The following MYO18B variants were observed in gnomAD, a reference collection of about 807,000 sequenced individuals.
The protein encoded by MYO18B is myosin XVIIIB.
MYO18B carries 204 observed loss-of-function variants against 273.0 expected under a neutral mutation model. The ratio of observed to expected loss-of-function variants is 0.75; its 90% CI spans 0.67 to 0.84. MYO18B has a LOEUF of 0.84. Among genes scored for constraint, MYO18B ranks in the 40% least tolerant of loss-of-function variants. The pLI, the probability that MYO18B is intolerant of heterozygous loss-of-function variation, is 0.00. For missense variants in MYO18B, 3,212 were observed against 3,287.6 expected (o/e 0.98, Z 0.56); for synonymous variants, 1,330 against 1,305.7 (o/e 1.02, Z -0.40).
chr22:25,960,732 C>T (rs1376770065), intron 39 of MYO18B, among the ~76,000 whole-genome samples: 2 of 152,176 alleles, frequency 1.3e-5, no homozygotes, highest in Non-Finnish European at 2.9e-5. Flanking sequence ...GCATCATCCC[C>T]TCCAGTCTGG....
intron 33 of MYO18B, among the ~76,000 whole-genome samples, chr22:25,915,176 G>C (rs1186705813): frequency 6.6e-6 from 1 of 152,150 alleles, no homozygotes; most frequent in Non-Finnish European, 1.5e-5. Context: ...CTTAATAGGA[G>C]TGCTTGTAAA....
intron 35 of MYO18B, among the ~76,000 whole-genome samples, chr22:25,947,260 A>G (rs1390477544): frequency 6.6e-6 from 1 of 151,982 alleles, no homozygotes; most frequent in Non-Finnish European, 1.5e-5. Flanking sequence ...TCCACCCAAT[A>G]CATATTTATT....
intron 12 of MYO18B, among the ~76,000 whole-genome samples, chr22:25,800,801 C>T (rs973700224): frequency 2.0e-5 from 3 of 152,254 alleles, no homozygotes; most frequent in African/African-American, 7.2e-5. Flanking sequence ...GGCCCCCGCC[C>T]CCTGATGTGG....
intron 3 of MYO18B, among the ~76,000 whole-genome samples, chr22:25,763,695 A>C (rs2086407996): frequency 6.6e-6 from 1 of 152,226 alleles, no homozygotes; most frequent in Non-Finnish European, 1.5e-5. Flanking sequence ...TTGACTAGAA[A>C]TTCCTTAAGA....
chr22:26,003,037 T>C (rs1934105205), intron 40 of MYO18B, among the ~76,000 whole-genome samples: 1 of 152,180 alleles, frequency 6.6e-6, no homozygotes. Context: ...TGCTGAGATC[T>C]TCACAAGGGT....
At chr22:25,969,086 C>T (rs1181515690) in intron 39 of MYO18B, among the ~76,000 whole-genome samples, 1 of 152,206 alleles carries the variant, frequency 6.6e-6, no homozygotes, top group Non-Finnish European at 1.5e-5. Flanking sequence ...GGGGAAATTA[C>T]TACCTCTGTG....
chr22:26,002,228 C>A (rs1251970900), intron 40 of MYO18B, among the ~76,000 whole-genome samples: 1 of 152,178 alleles, frequency 6.6e-6, no homozygotes, highest in Non-Finnish European at 1.5e-5. Flanking sequence ...CAAAAACAAT[C>A]ACAGACAAAA....
At chr22:26,063,053 G>C in the MYO18B span, among the ~76,000 whole-genome samples, 1 of 152,186 alleles carries the variant, frequency 6.6e-6, no homozygotes, top group African/African-American at 2.4e-5. Flanking sequence ...ATTATGCCAT[G>C]ATTCTACATG....
rs145962980 is a variant in MYO18B, at chr22:25,991,629, C to T, written c.6157-734C>T. Among the ~76,000 whole-genome samples, 300 of 152,256 alleles carry T rather than the reference C, an allele frequency of 2.0e-3. 1 individual carries two copies. The highest frequency in any genetic ancestry group is 6.9e-3 in the African/African-American group (287 of 41,548). ...TCACGAAGATGAGCACTGAGAGGGG[C>T]GTCAGAGGCACCGAGCTTGAGTTCC... On this transcript the variant is annotated intron_variant, in intron 39 of 43. Transcript: ENST00000335473.
At chr22:26,063,832 C>T in the MYO18B span, among the ~76,000 whole-genome samples, 1 of 152,190 alleles carries the variant, frequency 6.6e-6, no homozygotes, top group East Asian at 1.9e-4. Flanking sequence ...GCAATTAAAG[C>T]TCTTCTTTTT....
At chr22:25,828,734 C>T (rs1345897236) in intron 14 of MYO18B, 42 bp from the exon 15 acceptor site, 2 of 1,577,746 alleles carry the variant, frequency 1.3e-6, no homozygotes, top group East Asian at 2.2e-5. Context: ...CTCCTAGATT[C>T]CATGCCATCT....
chr22:25,923,236 G>A (rs920308952), intron 34 of MYO18B, among the ~76,000 whole-genome samples: 1 of 152,182 alleles, frequency 6.6e-6, no homozygotes, highest in African/African-American at 2.4e-5. Context: ...AAAATTCTGC[G>A]ACTCTTAGCC....
Position 25,846,272 on chromosome 22 carries a change from A to T in MYO18B, c.3541A>T (p.Lys1181Ter). The stretch of plus-strand genomic sequence containing the variant: ...GAGGAAAGCCCCGTGCTCCCAGATC[A>T]AGCTGCAGATGGTGAGTGGGCACCC... ...VRRKAPCSQI[K>*]LQMDALTSMI... The change falls in exon 19 of 44, where the codon AAG becomes TAG. Residue 1181 changes from lysine (K) to a stop codon, truncating the protein, a stop_gained. Transcript: ENST00000335473. LOFTEE classifies it high-confidence loss of function. 6.2e-7 allele frequency: 1 copy of T among 1,611,540 alleles called. No individual in the cohort carries two copies. The highest frequency in any genetic ancestry group is 8.5e-7 in the Non-Finnish European group (1 of 1,179,750).
At chr22:25,952,225 C>T in intron 37 of MYO18B, 61 bp from the exon 38 acceptor site, 2 of 1,572,628 alleles carry the variant, frequency 1.3e-6, no homozygotes, top group East Asian at 2.3e-5. Flanking sequence ...GGGTCCTGCA[C>T]ATGTCTCTGT....
At chr22:25,855,528 C>A (rs1177907472) in intron 21 of MYO18B, among the ~76,000 whole-genome samples, 1 of 152,166 alleles carries the variant, frequency 6.6e-6, no homozygotes, top group East Asian at 1.9e-4. Flanking sequence ...GATCCGCCCA[C>A]CTCGGCCTCC....
At chr22:25,753,858 A>G (rs2086024373) in intron 1 of MYO18B, among the ~76,000 whole-genome samples, 1 of 152,222 alleles carries the variant, frequency 6.6e-6, no homozygotes, top group African/African-American at 2.4e-5. Flanking sequence ...AAGAACTGTT[A>G]ACACTCACTG....
chr22:25,800,601 C>T (rs754999830), intron 12 of MYO18B, among the ~76,000 whole-genome samples: 1 of 152,224 alleles, frequency 6.6e-6, no homozygotes, highest in Non-Finnish European at 1.5e-5. Flanking sequence ...GAAACTGAGG[C>T]TCAGTCCAGC....
chr22:25,773,918 G>A (rs1357926516), intron 7 of MYO18B, among the ~76,000 whole-genome samples: 4 of 152,140 alleles, frequency 2.6e-5, no homozygotes, highest in Non-Finnish European at 5.9e-5. Context: ...ATGGGAAGAG[G>A]CTCAGTGGAG....
intron 12 of MYO18B, among the ~76,000 whole-genome samples, chr22:25,819,101 A>C (rs951121408): frequency 6.6e-6 from 1 of 152,072 alleles, no homozygotes; most frequent in African/African-American, 2.4e-5. Flanking sequence ...AAGATAGAAG[A>C]ATCCATGGGA....
Sources: allele counts gnomAD v4.1 joint callset (sites outside exome capture counted in the v4.1 genomes callset), GRCh38; gene constraint gnomAD v4.1.1; transcripts MANE v1.5; gene names NCBI Gene and HGNC (gene_info 2026-07-23, HGNC 2026-07-21).